The following THSD7A variants were observed in gnomAD, a reference collection of about 807,000 sequenced individuals.
THSD7A encodes the protein thrombospondin type 1 domain containing 7A, also known as thrombospondin type-1 domain-containing protein 7A.
In THSD7A, 96 loss-of-function variants were observed where a neutral mutation model predicts 231.3. That is an observed-to-expected ratio of 0.41 (90% CI 0.35 to 0.49). THSD7A has a LOEUF of 0.49. THSD7A is among the 20% of genes least tolerant of loss of function. THSD7A has a pLI of 0.05. For missense variants in THSD7A, 2,290 were observed against 2,070.2 expected (o/e 1.11, Z -2.06); for synonymous variants, 940 against 743.3 (o/e 1.26, Z -4.30).
At chr7:11,535,320 T>C (rs911276080) in intron 6 of THSD7A, among the ~76,000 whole-genome samples, 5 of 152,248 alleles carry the variant, frequency 3.3e-5, no homozygotes, top group Admixed American at 3.3e-4. Flanking sequence ...TTGTAATACA[T>C]ACACAGACAC....
chr7:11,387,861 T>C (rs1028128868), intron 23 of THSD7A, among the ~76,000 whole-genome samples: 8 of 152,198 alleles, frequency 5.3e-5, no homozygotes, highest in Non-Finnish European at 8.8e-5. Context: ...TAAATAGCTC[T>C]TATTATTTTG....
chr7:11,650,819 T>C (rs1306707733), intron 1 of THSD7A, among the ~76,000 whole-genome samples: 1 of 151,512 alleles, frequency 6.6e-6, no homozygotes, highest in African/African-American at 2.4e-5. Flanking sequence ...TTTTGTTTTG[T>C]TTTGTTTTGT....
chr7:11,447,464 G>A lies in THSD7A; in HGVS notation c.2606-40C>T, dbSNP rs189900414. 15 of 1,437,270 alleles carry A rather than the reference G, an allele frequency of 1.0e-5. No homozygotes were observed. In the Admixed American group the frequency reaches 1.2e-4, roughly 11 times the overall value. 89.0% of individuals were successfully genotyped at this position (1,437,270 alleles called of 1,614,324 possible). A position where few individuals can be genotyped will look rare whatever the true frequency, so the allele number is the denominator to read the frequency against. On this transcript the variant is annotated intron_variant, in intron 11 of 27. Transcript: ENST00000423059. ...TAAAGCTGTTATAACAAATTCAAAC[G>A]TCTAATTACTCTATAATTTAGAAGC...
At chr7:11,651,835 G>A (rs1336123161) in intron 1 of THSD7A, among the ~76,000 whole-genome samples, 1 of 151,836 alleles carries the variant, frequency 6.6e-6, no homozygotes, top group African/African-American at 2.4e-5. Context: ...TTAAATTGGT[G>A]GTTGTTACTA....
chr7:11,791,590 C>T (rs1562558863), intron 1 of THSD7A, among the ~76,000 whole-genome samples: 1 of 151,830 alleles, frequency 6.6e-6, no homozygotes, highest in South Asian at 2.1e-4. Flanking sequence ...AGAGGAAATT[C>T]CTTAATAAAT....
chr7:11,703,609 A>G (rs1294928339), intron 1 of THSD7A, among the ~76,000 whole-genome samples: 1 of 151,290 alleles, frequency 6.6e-6, no homozygotes, highest in Non-Finnish European at 1.5e-5. Flanking sequence ...CTGGCACAAT[A>G]TCTTAATGTA....
chr7:11,647,441 C>T (rs2128366760), intron 1 of THSD7A, among the ~76,000 whole-genome samples: 1 of 152,128 alleles, frequency 6.6e-6, no homozygotes, highest in Non-Finnish European at 1.5e-5. Context: ...AAACATTTCT[C>T]CAATCATGCA....
At chr7:11,543,365 A>T (rs1034750161) in intron 4 of THSD7A, among the ~76,000 whole-genome samples, 6 of 152,228 alleles carry the variant, frequency 3.9e-5, no homozygotes, top group South Asian at 4.1e-4. Context: ...TTTACCATTA[A>T]TTGGTCATGC....
chr7:11,731,130 T>C (rs879632778), intron 1 of THSD7A, among the ~76,000 whole-genome samples: 2 of 151,692 alleles, frequency 1.3e-5, no homozygotes, highest in Non-Finnish European at 1.5e-5. Context: ...TTAAATCCTA[T>C]AGTATTTATT....
intron 14 of THSD7A, 102 bp downstream of exon 14, chr7:11,428,845 T>C: frequency 1.4e-6 from 2 of 1,397,892 alleles, no homozygotes; most frequent in East Asian, 4.9e-5. Flanking sequence ...ATGGGTCAAT[T>C]TTTTATTCAA....
intron 23 of THSD7A, among the ~76,000 whole-genome samples, chr7:11,394,787 A>G (rs1016581296): frequency 3.3e-5 from 5 of 152,082 alleles, no homozygotes; most frequent in African/African-American, 1.2e-4. Flanking sequence ...CTGCTCTTAC[A>G]CTGCATACCT....
chr7:11,669,982 T>C (rs1055761331), intron 1 of THSD7A, among the ~76,000 whole-genome samples: 1 of 152,052 alleles, frequency 6.6e-6, no homozygotes, highest in Admixed American at 6.6e-5. Context: ...TGTGTGTGTG[T>C]GTGTGTGTGT....
At chr7:11,447,862 C>T (rs1455433339) in intron 11 of THSD7A, among the ~76,000 whole-genome samples, 1 of 152,082 alleles carries the variant, frequency 6.6e-6, no homozygotes, top group Non-Finnish European at 1.5e-5. Context: ...TATCATTGGA[C>T]ACCCTAGAAT....
intron 4 of THSD7A, 87 bp from the exon 5 acceptor site, chr7:11,543,204 G>T: frequency 1.6e-6 from 2 of 1,238,752 alleles, no homozygotes; most frequent in Middle Eastern, 2.0e-4. Context: ...GTATGGAAAA[G>T]GAAAATCCTT....
Position 11,543,049 on chromosome 7 carries a change from G to A in THSD7A, c.1522C>T (p.Pro508Ser). 1 of 1,613,870 alleles carries A rather than the reference G, an allele frequency of 6.2e-7. No individual in the cohort carries two copies. Among genetic ancestry groups the A allele is most frequent in the Non-Finnish European group, 8.5e-7 (1 of 1,179,812 alleles). The change falls in exon 5 of 28, where the codon CCT becomes TCT. Residue 508 changes from proline to serine, a missense_variant. Coordinates refer to ENST00000423059, the MANE Select transcript of THSD7A (RefSeq NM_015204.3). The part of the protein sequence containing the change: ...IPNTTQLCHI[P>S]CPTECEVSPW... ...GAAACTTCACATTCAGTTGGACAAG[G>A]AATGTGGCACAGCTGTGTAGTATTA... is the stretch of plus-strand genomic sequence containing the variant.
intron 1 of THSD7A, among the ~76,000 whole-genome samples, chr7:11,697,979 C>T (rs562073712): frequency 4.1e-4 from 62 of 151,458 alleles, no homozygotes; most frequent in Admixed American, 4.0e-3. Flanking sequence ...GTTAGTCATA[C>T]GAATGCCCCA....
intron 6 of THSD7A, among the ~76,000 whole-genome samples, chr7:11,508,720 G>T (rs2128312618): frequency 6.6e-6 from 1 of 152,256 alleles, no homozygotes; most frequent in Non-Finnish European, 1.5e-5. Flanking sequence ...AATGGATAAA[G>T]AAAATGTGGT....
chr7:11,494,409 G>T (rs1787016345), intron 6 of THSD7A, among the ~76,000 whole-genome samples: 1 of 151,906 alleles, frequency 6.6e-6, no homozygotes, highest in Admixed American at 6.6e-5. Context: ...TGACAGGATT[G>T]AACTAGAGAC....
At chr7:11,454,042 A>C (rs1005412416) in intron 11 of THSD7A, among the ~76,000 whole-genome samples, 7 of 152,032 alleles carry the variant, frequency 4.6e-5, no homozygotes, top group Non-Finnish European at 1.0e-4. Flanking sequence ...TTCTATTCAA[A>C]GTTTATACAC....
Sources: gnomAD v4.1 joint callset for allele counts (sites outside exome capture counted in the v4.1 genomes callset) on GRCh38, gnomAD v4.1.1 for gene constraint, MANE v1.5 for transcripts, NCBI Gene and HGNC (gene_info 2026-07-23, HGNC 2026-07-21) for gene names.